The following BTG4 variants were observed in gnomAD, a reference collection of about 807,000 sequenced individuals.
The protein encoded by BTG4 is protein BTG4.
A neutral mutation model predicts 19.3 loss-of-function variants in BTG4; 10 were observed. The ratio of observed to expected loss-of-function variants is 0.52; its 90% CI spans 0.32 to 0.88. The LOEUF (loss-of-function observed/expected upper bound fraction) is 0.88. Among genes scored for constraint, BTG4 ranks in the 40% least tolerant of loss-of-function variants. The pLI, the probability that BTG4 is intolerant of heterozygous loss-of-function variation, is 0.04. For missense variants in BTG4, 238 were observed against 281.9 expected, an observed-to-expected ratio of 0.84 and a Z score of 1.11; for synonymous variants, 91 against 95.7, an observed-to-expected ratio of 0.95 and a Z score of 0.29.
chr11:111,433,195 G>C, the BTG4 span, among the ~76,000 whole-genome samples: 1 of 152,190 alleles, frequency 6.6e-6, no homozygotes, highest in Non-Finnish European at 1.5e-5. Context: ...AAAGATGGAA[G>C]AGACCTTAAA....
chr11:111,455,449 AG>A, the BTG4 span: 2 of 237,866 alleles, frequency 8.4e-6, no homozygotes, highest in African/African-American at 4.4e-5. Context: ...CTGGCAGGCG[AG>A]TACGCAGCCA....
the BTG4 span, among the ~76,000 whole-genome samples, chr11:111,412,925 C>T: frequency 6.6e-6 from 1 of 152,288 alleles, no homozygotes; most frequent in East Asian, 1.9e-4. Context: ...ATGGGTTGGG[C>T]TTTATCCAAA....
rs1865791524 is a variant in BTG4 at position 111,497,197 on chromosome 11, G to A, written c.510+14C>T. The A allele has an allele frequency of 6.2e-7, 1 of 1,602,422 alleles. No individual in the cohort carries two copies. The highest frequency in any genetic ancestry group is 8.5e-7 in the Non-Finnish European group (1 of 1,172,804). ...TAGAAAAAAAGTATAGAAAAGAACT[G>A]GAACACTCTTGACCTGATAAATACT... is the stretch of plus-strand genomic sequence containing the variant. On this transcript the variant is annotated intron_variant, in intron 4 of 4. Transcript: ENST00000692032.
downstream of BTG4, among the ~76,000 whole-genome samples, chr11:111,490,143 G>A (rs1428177245): frequency 1.3e-5 from 2 of 149,986 alleles, no homozygotes; most frequent in African/African-American, 2.4e-5. Flanking sequence ...TTAGCTGGGT[G>A]TGGTGGCGGG....
intron 5 of BTG4, chr11:111,469,200 T>C (rs916824632): frequency 2.0e-5 from 3 of 152,244 alleles, no homozygotes; most frequent in Non-Finnish European, 4.4e-5. Context: ...CCTCTCACAG[T>C]GCTGAAAACA....
chr11:111,442,886 T>C, the BTG4 span, among the ~76,000 whole-genome samples: 1 of 152,210 alleles, frequency 6.6e-6, no homozygotes, highest in African/African-American at 2.4e-5. Flanking sequence ...AATAACTTAA[T>C]TCCACCCTCG....
chr11:111,398,811 T>C, the BTG4 span, among the ~76,000 whole-genome samples: 3 of 151,480 alleles, frequency 2.0e-5, no homozygotes, highest in Non-Finnish European at 2.9e-5. Flanking sequence ...CATTATAGAG[T>C]TTGAATGGGG....
chr11:111,403,835 T>C, the BTG4 span, among the ~76,000 whole-genome samples: 2 of 152,214 alleles, frequency 1.3e-5, no homozygotes, highest in Non-Finnish European at 2.9e-5. Context: ...GTGATGATAA[T>C]GGTGGTAGCA....
chr11:111,450,823 C>A, the BTG4 span: 1 of 153,380 alleles, frequency 6.5e-6, no homozygotes, highest in Admixed American at 6.5e-5. Flanking sequence ...CCTCGGGGAT[C>A]CCAGGTGTCC....
the BTG4 span, among the ~76,000 whole-genome samples, chr11:111,427,818 A>G: frequency 2.0e-5 from 3 of 152,312 alleles, no homozygotes; most frequent in African/African-American, 7.2e-5. Context: ...GACTTTCTGC[A>G]CAGGCATTTG....
the BTG4 span, chr11:111,455,181 C>T: frequency 4.9e-6 from 2 of 411,020 alleles, no homozygotes; most frequent in African/African-American, 2.0e-5. Context: ...TTAGCACCTC[C>T]CCAACCTGTT....
chr11:111,459,612 C>G, the BTG4 span: 1 of 152,764 alleles, frequency 6.5e-6, no homozygotes. Flanking sequence ...CCCTCTCCCC[C>G]TGGTGTTGGG....
exon 6 of BTG4, chr11:111,467,646 G>A (rs1863799833): frequency 1.3e-6 from 1 of 766,836 alleles, no homozygotes; most frequent in Non-Finnish European, 2.4e-6. Context: ...TCTACCAGGT[G>A]CTGCAAATTC....
At chr11:111,465,118 T>C (rs866167054), downstream of BTG4, among the ~76,000 whole-genome samples, 2 of 152,190 alleles carry the variant, frequency 1.3e-5, no homozygotes, top group South Asian at 2.1e-4. Context: ...CTCCTTGGAA[T>C]TGGAAGTCAA....
intron 5 of BTG4, among the ~76,000 whole-genome samples, chr11:111,488,086 C>A (rs1865176013): frequency 6.6e-6 from 1 of 151,928 alleles, no homozygotes; most frequent in South Asian, 2.1e-4. Flanking sequence ...ACATTCTTCA[C>A]AGAAATAAAA....
chr11:111,499,460 G>A (rs575496730), intron 1 of BTG4, among the ~76,000 whole-genome samples: 22 of 152,286 alleles, frequency 1.4e-4, no homozygotes, highest in Middle Eastern at 3.4e-3. Flanking sequence ...GTCTCCATCC[G>A]ATTGCTCCTT....
chr11:111,455,068 G>C, the BTG4 span: 15 of 455,290 alleles, frequency 3.3e-5, no homozygotes, highest in African/African-American at 2.8e-4. Flanking sequence ...TCTGAGGAGC[G>C]TGCAGAGGGA....
the BTG4 span, chr11:111,454,348 G>A: frequency 4.4e-5 from 20 of 454,424 alleles, no homozygotes; most frequent in South Asian, 2.2e-4. Context: ...TCAGCCACAC[G>A]AAGGAAGAGG....
At chr11:111,392,169 C>CTTTTTTTTTTTTTT in the BTG4 span, among the ~76,000 whole-genome samples, 3 of 85,396 alleles carry the variant, frequency 3.5e-5, 1 homozygote, top group African/African-American at 4.7e-5. Context: ...CTGTGATTTT[C>CTTTTTTTTTTTTTT]TTTTTTTTTT....
Sources: gnomAD v4.1 joint callset for allele counts (sites outside exome capture counted in the v4.1 genomes callset) on GRCh38, gnomAD v4.1.1 for gene constraint, MANE v1.5 for transcripts, NCBI Gene and HGNC (gene_info 2026-07-23, HGNC 2026-07-21) for gene names.